CPS1: variants seen among roughly 807,000 people sequenced by gnomAD.
CPS1 encodes carbamoyl-phosphate synthase 1.
In CPS1, 109 loss-of-function variants were observed where a neutral mutation model predicts 174.6. That is an observed-to-expected ratio of 0.62 (90% CI 0.53 to 0.73). The LOEUF is 0.73. Ranked by LOEUF, CPS1 falls within the 30% of genes least tolerant of loss-of-function variation. The probability of loss-of-function intolerance (pLI) is 0.00; values close to 1 mark genes in which losing one functional copy is unlikely to be tolerated. For missense variants in CPS1, 1,689 were observed against 1,821.9 expected (o/e 0.93, Z 1.33); for synonymous variants, 637 against 632.0 (o/e 1.01, Z -0.12).
At chr2:210,621,900 C>A (rs1699541969) in intron 21 of CPS1, among the ~76,000 whole-genome samples, 1 of 151,848 alleles carries the variant, frequency 6.6e-6, no homozygotes, top group African/African-American at 2.4e-5. Context: ...CTGTTCTAAG[C>A]ACATTATTTT....
At chr2:210,655,767 G>A (rs149664207) in intron 29 of CPS1, among the ~76,000 whole-genome samples, 173 of 152,254 alleles carry the variant, frequency 1.1e-3, no homozygotes, top group African/African-American at 3.8e-3. Flanking sequence ...GTTTTAAGAC[G>A]TTGCTAAATC....
At chr2:210,486,147 CACACACACACA>C (rs1559731069) in intron 1 of CPS1, among the ~76,000 whole-genome samples, 195 of 132,722 alleles carry the variant, frequency 1.5e-3, no homozygotes, top group African/African-American at 5.4e-3. Context: ...CACACACACA[CACACACACACA>C]CCCTGTATAT....
intron 21 of CPS1, chr2:210,618,254 T>C (rs1272722815): frequency 6.6e-6 from 1 of 152,118 alleles, no homozygotes; most frequent in African/African-American, 2.4e-5. Context: ...CTCCATTTTC[T>C]GGCATAAATA....
At chr2:210,531,875 A>C (rs1696123062) in intron 1 of CPS1, among the ~76,000 whole-genome samples, 1 of 152,134 alleles carries the variant, frequency 6.6e-6, no homozygotes, top group African/African-American at 2.4e-5. Flanking sequence ...TTGTGAGGTG[A>C]ACACCTTGAA....
At position 210,616,538 on chromosome 2, in the gene CPS1, A is replaced by G. The variant is rs1321135442; in HGVS notation, c.2684A>G (p.Asn895Ser). 6.4e-7 allele frequency: 1 copy of G among 1,562,426 alleles called. No individual in the cohort carries two copies. Among genetic ancestry groups the G allele is most frequent in the Non-Finnish European group, 8.8e-7 (1 of 1,134,010 alleles). ...LNMEKTLKGLNSESMTEETLK... is the reference protein window; with the variant it reads ...LNMEKTLKGLSSESMTEETLK... ...ATGGAAAAGACACTGAAAGGCCTCA[A>G]CAGGTAAGGCAGTGCTGCTCTCATT... Residue 895 changes from asparagine to serine, a missense_variant, in exon 21 of 38, where the codon AAC becomes AGC. Physicochemically the swap from Asn to Ser is conservative, Grantham distance 46. Coordinates refer to ENST00000233072, the MANE Select transcript of CPS1 (RefSeq NM_001875.5).
intron 20 of CPS1, among the ~76,000 whole-genome samples, chr2:210,612,749 C>T (rs958894463): frequency 6.6e-6 from 1 of 151,850 alleles, no homozygotes; most frequent in African/African-American, 2.4e-5. Context: ...ATTTGCTTCT[C>T]TTTCTGTGTT....
intron 1 of CPS1, among the ~76,000 whole-genome samples, chr2:210,512,378 C>T (rs1695518390): frequency 6.6e-6 from 1 of 151,868 alleles, no homozygotes; most frequent in Admixed American, 6.6e-5. Flanking sequence ...CCAGTATTCC[C>T]CAGTTTCTCT....
At chr2:210,646,201 A>C (rs1008260952) in intron 25 of CPS1, among the ~76,000 whole-genome samples, 2 of 152,154 alleles carry the variant, frequency 1.3e-5, no homozygotes, top group South Asian at 2.1e-4. Context: ...TGTCCATTTA[A>C]TGGAGTAATT....
upstream of CPS1, among the ~76,000 whole-genome samples, chr2:210,554,681 C>A (rs141771673): frequency 1.1e-3 from 163 of 151,834 alleles, 1 homozygote; most frequent in African/African-American, 3.7e-3. Flanking sequence ...ACCAGCATGG[C>A]ACATGTATAC....
At chr2:210,554,138 TATATATGTATATATACACAC>T (rs1696814716), upstream of CPS1, among the ~76,000 whole-genome samples, 3 of 145,440 alleles carry the variant, frequency 2.1e-5, no homozygotes, top group African/African-American at 7.6e-5. Flanking sequence ...TACATACATA[TATATATGTATATATACACAC>T]ACATATACAT....
intron 1 of CPS1, among the ~76,000 whole-genome samples, chr2:210,542,751 C>T (rs865775128): frequency 1.3e-5 from 2 of 152,034 alleles, no homozygotes; most frequent in Non-Finnish European, 2.9e-5. Context: ...CAAACGAAAC[C>T]CTTCTTGGCT....
intron 19 of CPS1, among the ~76,000 whole-genome samples, chr2:210,611,323 C>A (rs892236899): frequency 2.0e-5 from 3 of 151,878 alleles, no homozygotes; most frequent in African/African-American, 7.2e-5. Context: ...CTGAAAATAG[C>A]ATTATGACTG....
intron 1 of CPS1, among the ~76,000 whole-genome samples, chr2:210,547,142 T>C (rs1404676412): frequency 6.6e-6 from 1 of 152,150 alleles, no homozygotes; most frequent in Non-Finnish European, 1.5e-5. Flanking sequence ...TACATATGTA[T>C]GAGCCAAGGT....
intron 1 of CPS1, among the ~76,000 whole-genome samples, chr2:210,545,049 GA>G (rs1696525228): frequency 6.6e-6 from 1 of 151,996 alleles, no homozygotes; most frequent in Non-Finnish European, 1.5e-5. Flanking sequence ...CTTAAGTCTG[GA>G]AGAAACACGG....
chr2:210,480,551 A>G (rs1265688460), intron 1 of CPS1, among the ~76,000 whole-genome samples: 1 of 152,000 alleles, frequency 6.6e-6, no homozygotes, highest in Non-Finnish European at 1.5e-5. Flanking sequence ...CTTCCTACCT[A>G]TTCCCTTGAT....
At chr2:210,577,054 C>G in intron 3 of CPS1, 1 of 288,922 alleles carries the variant, frequency 3.5e-6, no homozygotes. Context: ...CACTATTTCT[C>G]ACAATTTCCC....
At chr2:210,588,851 C>T (rs1291394746) in intron 7 of CPS1, among the ~76,000 whole-genome samples, 2 of 152,084 alleles carry the variant, frequency 1.3e-5, no homozygotes, top group Non-Finnish European at 2.9e-5. Flanking sequence ...ATTTCAAATT[C>T]TTGTCAATTT....
Position 210,668,120 on chromosome 2 carries a change from T to C in CPS1, c.4003-66T>C. ...TGTGTGTGTGTATTTTAATTTTAATTTTTGGTAGGAGTGGTTGACTATTCT... is the reference window on the plus strand; with the variant it reads ...TGTGTGTGTGTATTTTAATTTTAATCTTTGGTAGGAGTGGTTGACTATTCT... On this transcript the variant is annotated intron_variant, in intron 33 of 37. Transcript: ENST00000233072. 4 of 1,039,924 alleles carry C rather than the reference T, an allele frequency of 3.8e-6. No individual in the cohort carries two copies. The South Asian group carries it at 5.1e-5, about 13-fold the overall frequency. The allele number at this position is 1,039,924 out of a possible 1,614,324, so 64.4% of individuals were successfully genotyped here.
intron 1 of CPS1, among the ~76,000 whole-genome samples, chr2:210,512,876 A>ATATATATG (rs1559056038): frequency 7.9e-5 from 4 of 50,866 alleles, no homozygotes; most frequent in East Asian, 1.0e-3. Flanking sequence ...ATATATATAT[A>ATATATATG]GAGATATATA....
Sources: allele counts gnomAD v4.1 joint callset (sites outside exome capture counted in the v4.1 genomes callset), GRCh38; gene constraint gnomAD v4.1.1; transcripts MANE v1.5; gene names NCBI Gene and HGNC (gene_info 2026-07-23, HGNC 2026-07-21).